MBOAT2: variants seen among roughly 807,000 people sequenced by gnomAD.
MBOAT2 encodes the protein membrane bound glycerophospholipid O-acyltransferase 2.
Under a neutral mutation model 63.4 loss-of-function variants are expected in MBOAT2, and 28 were observed. That is an observed-to-expected ratio of 0.44 (90% confidence interval 0.33 to 0.61). MBOAT2 has a LOEUF of 0.61. Ranked by LOEUF, MBOAT2 falls within the 20% of genes least tolerant of loss-of-function variation. MBOAT2 has a pLI of 0.03. For synonymous variants in MBOAT2, 211 were observed against 215.6 expected, an observed-to-expected ratio of 0.98 and a Z score of 0.19; for missense variants, 470 against 605.8, an observed-to-expected ratio of 0.78 and a Z score of 2.35.
chr2:8,867,493 A>T (rs1458224343), intron 9 of MBOAT2, among the ~76,000 whole-genome samples: 1 of 152,132 alleles, frequency 6.6e-6, no homozygotes, highest in African/African-American at 2.4e-5. Flanking sequence ...TGAGTGTCTG[A>T]CCATGATCTG....
At chr2:8,943,102 T>C (rs2103237051) in intron 3 of MBOAT2, 85 bp downstream of exon 3, 2 of 715,340 alleles carry the variant, frequency 2.8e-6, no homozygotes, top group Non-Finnish European at 4.2e-6. Flanking sequence ...CATAATTACT[T>C]TTAATGTAAT....
chr2:8,905,058 AAGAG>A (rs1665232230), intron 4 of MBOAT2, among the ~76,000 whole-genome samples: 1 of 152,120 alleles, frequency 6.6e-6, no homozygotes, highest in African/African-American at 2.4e-5. Context: ...TGTCCCATAA[AAGAG>A]AGATTTCACA....
chr2:8,971,380 G>A (rs1670442316), intron 1 of MBOAT2, among the ~76,000 whole-genome samples: 1 of 152,044 alleles, frequency 6.6e-6, no homozygotes, highest in Non-Finnish European at 1.5e-5. Flanking sequence ...AATAATAAGA[G>A]CTATTTATGA....
At chr2:8,926,403 A>G (rs1281347113) in intron 3 of MBOAT2, among the ~76,000 whole-genome samples, 1 of 152,238 alleles carries the variant, frequency 6.6e-6, no homozygotes, top group Non-Finnish European at 1.5e-5. Flanking sequence ...AACTCAACAT[A>G]GAGTACAAGG....
intron 12 of MBOAT2, among the ~76,000 whole-genome samples, chr2:8,859,766 G>T (rs1447550129): frequency 2.0e-5 from 3 of 152,064 alleles, no homozygotes; most frequent in African/African-American, 4.8e-5. Flanking sequence ...TGGTGGGCAG[G>T]GAGAGGAGAT....
chr2:8,929,646 C>A (rs764547804), intron 3 of MBOAT2, among the ~76,000 whole-genome samples: 8 of 152,228 alleles, frequency 5.3e-5, no homozygotes, highest in Non-Finnish European at 1.2e-4. Context: ...AGCCACCGCA[C>A]CTGGCTGGCC....
At chr2:8,860,119 A>G (rs1661390830) in intron 12 of MBOAT2, among the ~76,000 whole-genome samples, 1 of 152,186 alleles carries the variant, frequency 6.6e-6, no homozygotes, top group South Asian at 2.1e-4. Flanking sequence ...CCTGGGAGGC[A>G]GAGGTTGCAG....
intron 1 of MBOAT2, among the ~76,000 whole-genome samples, chr2:8,985,959 G>C (rs1374120780): frequency 1.3e-5 from 2 of 152,162 alleles, no homozygotes; most frequent in Non-Finnish European, 2.9e-5. Context: ...GGAGTAAAAA[G>C]AGAAACTTTA....
intron 4 of MBOAT2, among the ~76,000 whole-genome samples, chr2:8,899,226 G>A (rs543062922): frequency 9.9e-5 from 15 of 152,234 alleles, no homozygotes; most frequent in South Asian, 2.1e-4. Context: ...CCATATTCAC[G>A]TAGATAATAG....
intron 2 of MBOAT2, among the ~76,000 whole-genome samples, chr2:8,953,214 C>T (rs925504605): frequency 2.0e-5 from 3 of 152,190 alleles, no homozygotes; most frequent in Non-Finnish European, 4.4e-5. Context: ...TTCTCCTTCA[C>T]TTAAGAAGTT....
At chr2:8,970,635 A>C (rs1281093806) in intron 1 of MBOAT2, among the ~76,000 whole-genome samples, 1 of 152,206 alleles carries the variant, frequency 6.6e-6, no homozygotes, top group Non-Finnish European at 1.5e-5. Context: ...CAAGACTAAT[A>C]AAGAAGAAAT....
At chr2:8,899,106 G>C (rs781501637) in intron 4 of MBOAT2, among the ~76,000 whole-genome samples, 1 of 152,220 alleles carries the variant, frequency 6.6e-6, no homozygotes, top group Non-Finnish European at 1.5e-5. Context: ...CTTTTAGCCT[G>C]ATTTGGAATG....
chr2:8,894,655 G>A (rs1164496273), intron 4 of MBOAT2, among the ~76,000 whole-genome samples: 1 of 152,244 alleles, frequency 6.6e-6, no homozygotes, highest in South Asian at 2.1e-4. Context: ...ATTGTGTGCA[G>A]AACTGGTGGG....
chr2:8,885,991 C>T (rs1410140111), intron 5 of MBOAT2, among the ~76,000 whole-genome samples: 1 of 152,178 alleles, frequency 6.6e-6, no homozygotes, highest in African/African-American at 2.4e-5. Context: ...GGCTGGTCCA[C>T]AGTCCCCTAC....
In MBOAT2 at chr2:8,857,722, C is replaced by T. The variant is rs923016094; in HGVS notation, c.*957G>A. 2 of 152,194 alleles carry T rather than the reference C, an allele frequency of 1.3e-5. No homozygotes were observed. The highest frequency in any genetic ancestry group is 2.1e-4 in the South Asian group (1 of 4,836). The allele number at this position is 152,194 out of a possible 1,614,324, so 9.4% of individuals were successfully genotyped here. A position where few individuals can be genotyped will look rare whatever the true frequency, so the allele number is the denominator to read the frequency against. On this transcript the variant is annotated 3_prime_UTR_variant, in exon 13 of 13. Coordinates refer to ENST00000305997, the MANE Select transcript of MBOAT2 (RefSeq NM_138799.4). ...ATTATTTTCAAAGCCTCTAATTCTA[C>T]ATAATTTATGCCTGATAAATTTAAT...
rs1213825651 is a variant in MBOAT2 at position 8,855,761 on chromosome 2, G to A, written c.*2918C>T. On this transcript the variant is annotated 3_prime_UTR_variant, in exon 13 of 13. Coordinates refer to ENST00000305997, the MANE Select transcript of MBOAT2 (RefSeq NM_138799.4). ...TTTCAAGAAAATGAAATTGAAGGAT[G>A]AGTAGTTATTTTTGTTCATTTTTTC... The A allele has an allele frequency of 1.3e-5, 2 of 152,190 alleles. 1 individual carries two copies. The highest frequency in any genetic ancestry group is 1.3e-4 in the Admixed American group (2 of 15,276). The allele number at this position is 152,190 out of a possible 1,614,324, so 9.4% of individuals were successfully genotyped here.
chr2:8,906,911 G>T (rs1451372699), intron 4 of MBOAT2, among the ~76,000 whole-genome samples: 1 of 152,130 alleles, frequency 6.6e-6, no homozygotes, highest in Non-Finnish European at 1.5e-5. Flanking sequence ...GAGAAATACA[G>T]AGCAGATGTG....
chr2:8,862,353 C>A lies in MBOAT2; in HGVS notation c.1185+237G>T. On this transcript the variant is annotated intron_variant, in intron 11 of 12. Coordinates refer to ENST00000305997, the MANE Select transcript of MBOAT2 (RefSeq NM_138799.4). This position sits in a 1 kb window ranked among gnomAD's most constrained non-coding sequence, Gnocchi z 4.3. ...AAGACAAAGTAACATTTTGTGAGTGCCTCCTACCTGCCGGGCACATAGAAA... is the reference window on the plus strand; with the variant it reads ...AAGACAAAGTAACATTTTGTGAGTGACTCCTACCTGCCGGGCACATAGAAA... 1 of 1,438,618 alleles carries A rather than the reference C, an allele frequency of 7.0e-7. No homozygotes were observed. The highest frequency in any genetic ancestry group is 9.2e-7 in the Non-Finnish European group (1 of 1,083,980). The allele number at this position is 1,438,618 out of a possible 1,614,324, so 89.1% of individuals were successfully genotyped here.
At chr2:8,983,586 C>T (rs1411485811) in intron 1 of MBOAT2, among the ~76,000 whole-genome samples, 4 of 152,060 alleles carry the variant, frequency 2.6e-5, no homozygotes, top group East Asian at 1.9e-4. Context: ...AAGAGACATG[C>T]GAACTAAATG....
Sources: gnomAD v4.1 joint callset for allele counts (sites outside exome capture counted in the v4.1 genomes callset) on GRCh38, gnomAD v4.1.1 for gene constraint, Gnocchi (gnomAD v3.1) non-coding constraint, MANE v1.5 for transcripts, NCBI Gene and HGNC (gene_info 2026-07-23, HGNC 2026-07-21) for gene names.